The following AMDHD2 variants were observed in gnomAD, a reference collection of about 807,000 sequenced individuals.
AMDHD2 encodes amidohydrolase domain containing 2.
Under a neutral mutation model 41.8 loss-of-function variants are expected in AMDHD2, and 24 were observed. That is an observed-to-expected ratio of 0.57 (90% CI 0.42 to 0.81). The LOEUF (loss-of-function observed/expected upper bound fraction) is 0.81. AMDHD2 is among the 30% of genes least tolerant of loss of function. The pLI is 0.00. For missense variants in AMDHD2, 540 were observed against 588.5 expected, an observed-to-expected ratio of 0.92 and a Z score of 0.85; for synonymous variants, 332 against 255.5, an observed-to-expected ratio of 1.30 and a Z score of -2.85.
At chr16:2,528,209 G>A (rs751584218) in intron 6 of AMDHD2, 27 bp from the exon 7 acceptor site, 5 of 1,611,972 alleles carry the variant, frequency 3.1e-6, no homozygotes, top group Non-Finnish European at 4.2e-6. Flanking sequence ...CTGTCGCTCA[G>A]CCATCCCTTC....
Position 2,529,524 on chromosome 16 carries a change from G to C in AMDHD2, c.1191G>C (p.Ser397=), listed in dbSNP as rs761507143. 3.1e-6 allele frequency: 5 copies of C among 1,611,906 alleles called. No homozygotes were observed. The highest frequency in any genetic ancestry group is 3.4e-6 in the Non-Finnish European group (4 of 1,179,964). The change falls in exon 11 of 11, where the codon TCG becomes TCC. Residue 397 remains serine, a synonymous_variant. Transcript: ENST00000293971. The stretch of plus-strand genomic sequence containing the variant: ...TTCACGTCCAGGCCACCTACATCTC[G>C]GGTGAGCTGGTGTGGCAGGCGGACG... ...DSLHVQATYI[S]GELVWQADAA...
intron 3 of AMDHD2, among the ~76,000 whole-genome samples, chr16:2,522,962 G>A (rs1297075824): frequency 3.3e-5 from 5 of 150,910 alleles, no homozygotes; most frequent in Non-Finnish European, 5.9e-5. Flanking sequence ...TCCTGCCTCA[G>A]TCGCCCGAGT....
rs766056159 is a variant in AMDHD2, at chr16:2,530,486, C to T, written c.*923C>T. On this transcript the variant is annotated 3_prime_UTR_variant, in exon 11 of 11. Coordinates refer to ENST00000293971, the MANE Select transcript of AMDHD2 (RefSeq NM_001330449.2). ...TGAGGACAGCCACAGTGGGGTCAGACGTCAGGGATTGGTGCAGCCCCACGT... is the reference window on the plus strand; with the variant it reads ...TGAGGACAGCCACAGTGGGGTCAGATGTCAGGGATTGGTGCAGCCCCACGT... 1.7e-5 allele frequency: 27 copies of T among 1,614,016 alleles called. No homozygotes were observed. Among genetic ancestry groups the T allele is most frequent in the Admixed American group, 3.3e-5 (2 of 60,008 alleles).
At chr16:2,528,596 C>T (rs2066040410) in intron 8 of AMDHD2, 37 bp downstream of exon 8, 3 of 1,612,670 alleles carry the variant, frequency 1.9e-6, no homozygotes, top group African/African-American at 1.3e-5. Flanking sequence ...AGGTCCCAGC[C>T]CGCATGCCAG....
At chr16:2,522,229 G>A (rs1204117819) in intron 3 of AMDHD2, among the ~76,000 whole-genome samples, 2 of 152,166 alleles carry the variant, frequency 1.3e-5, no homozygotes, top group Non-Finnish European at 2.9e-5. Flanking sequence ...GACTACAGGT[G>A]TGTGCCACCA....
intron 3 of AMDHD2, among the ~76,000 whole-genome samples, chr16:2,522,232 T>G (rs1041427341): frequency 6.6e-6 from 1 of 152,166 alleles, no homozygotes. Context: ...TACAGGTGTG[T>G]GCCACCATGC....
rs1161203174 is a variant in AMDHD2, at chr16:2,530,158, CCT to C, written c.*596_*597del. On this transcript the variant is annotated 3_prime_UTR_variant, in exon 11 of 11. Transcript: ENST00000293971. ...CAGGAGGGAGACTGGGCCCGGGACC[CCT>C]GTTTTCTGCTCCCTGGACTGCCTAG... 2.4e-5 allele frequency: 35 copies of C among 1,438,526 alleles called. No individual in the cohort carries two copies. The highest frequency in any genetic ancestry group is 2.8e-5 in the Non-Finnish European group (30 of 1,090,720). 89.1% of individuals were successfully genotyped at this position (1,438,526 alleles called of 1,614,324 possible).
At chr16:2,523,470 TC>T (rs1238529490) in intron 3 of AMDHD2, among the ~76,000 whole-genome samples, 22 of 152,160 alleles carry the variant, frequency 1.4e-4, no homozygotes, top group Admixed American at 1.4e-3. Flanking sequence ...AGGACAACCT[TC>T]TGCCTTTCTG....
In AMDHD2 at chr16:2,531,110, C is replaced by T. The variant is rs139815200; in HGVS notation, c.*1547C>T. 0.02 allele frequency: 31,409 copies of T among 1,543,656 alleles called. 385 individuals are homozygous for T. The highest frequency in any genetic ancestry group is 0.024 in the Non-Finnish European group (27,578 of 1,134,666). On this transcript the variant is annotated 3_prime_UTR_variant, in exon 11 of 11. Transcript: ENST00000293971. The stretch of plus-strand genomic sequence containing the variant: ...ACCCAGAGCTGGCATGTTGGTCATC[C>T]CCACCTCAGACGGGACGCCCAGTCC...
chr16:2,520,965 TC>T lies in AMDHD2; in HGVS notation c.221-17del, dbSNP rs758209397. ...GGAGCTCTGAGCTCCATGCGACACT[TC>T]CTTTTCTGTGGCTGCAGGTGGATTT... On this transcript the variant is annotated intron_variant, in intron 2 of 10. Transcript: ENST00000293971. 9.1e-5 allele frequency: 146 copies of T among 1,597,272 alleles called. No individual in the cohort carries two copies. Among genetic ancestry groups the T allele is most frequent in the Non-Finnish European group, 1.2e-4 (145 of 1,168,318 alleles).
chr16:2,528,964 G>C (rs1024356644), intron 9 of AMDHD2, 30 bp from the exon 10 acceptor site: 2 of 1,556,084 alleles, frequency 1.3e-6, no homozygotes. Context: ...TGGGCTTGGG[G>C]ACTGTCACCT....
chr16:2,522,360 G>A (rs1417401671), intron 3 of AMDHD2, among the ~76,000 whole-genome samples: 2 of 152,128 alleles, frequency 1.3e-5, no homozygotes, highest in African/African-American at 4.8e-5. Context: ...TGGCACTACG[G>A]GCTTGTGCCA....
Position 2,529,108 on chromosome 16 carries a change from C to G in AMDHD2, c.1141+13C>G. On this transcript the variant is annotated intron_variant, in intron 10 of 10. Coordinates refer to ENST00000293971, the MANE Select transcript of AMDHD2 (RefSeq NM_001330449.2). The stretch of plus-strand genomic sequence containing the variant: ...GGTGCTGACGCAGGTGAGGGCCTGT[C>G]GCAGGGTCACCGGGCAGCCTGGCCC... 1 of 1,541,022 alleles carries G rather than the reference C, an allele frequency of 6.5e-7. No individual in the cohort carries two copies. The highest frequency in any genetic ancestry group is 8.7e-7 in the Non-Finnish European group (1 of 1,143,724).
At position 2,529,104 on chromosome 16, in the gene AMDHD2, C is replaced by G. The variant is rs572149543; in HGVS notation, c.1141+9C>G. ...CTTTGGTGCTGACGCAGGTGAGGGCCTGTCGCAGGGTCACCGGGCAGCCTG... is the reference window on the plus strand; with the variant it reads ...CTTTGGTGCTGACGCAGGTGAGGGCGTGTCGCAGGGTCACCGGGCAGCCTG... On this transcript the variant is annotated intron_variant, in intron 10 of 10. Transcript: ENST00000293971. The G allele has an allele frequency of 6.4e-7, 1 of 1,554,848 alleles. No homozygotes were observed. Among genetic ancestry groups the G allele is most frequent in the Non-Finnish European group, 8.7e-7 (1 of 1,151,238 alleles).
Position 2,529,538 on chromosome 16 carries a change from G to C in AMDHD2, c.1205G>C (p.Trp402Ser). The C allele has an allele frequency of 6.2e-7, 1 of 1,609,876 alleles. No homozygotes were observed. Among genetic ancestry groups the C allele is most frequent in the Non-Finnish European group, 8.5e-7 (1 of 1,179,906 alleles). ...QATYISGELVWQADAARQ is the reference protein window; with the variant it reads ...QATYISGELVSQADAARQ Reference sequence around the variant, plus strand: ...ACCTACATCTCGGGTGAGCTGGTGTGGCAGGCGGACGCAGCTAGGCAGTGA... The same window carrying C: ...ACCTACATCTCGGGTGAGCTGGTGTCGCAGGCGGACGCAGCTAGGCAGTGA... Residue 402 changes from tryptophan (W) to serine (S), a missense_variant, in exon 11 of 11, where the codon TGG (tryptophan) becomes TCG (serine). Coordinates refer to ENST00000293971, the MANE Select transcript of AMDHD2 (RefSeq NM_001330449.2).
intron 3 of AMDHD2, among the ~76,000 whole-genome samples, chr16:2,525,919 T>A (rs2065998450): frequency 6.6e-6 from 1 of 152,158 alleles, no homozygotes; most frequent in South Asian, 2.1e-4. Flanking sequence ...CCTCAGGTGA[T>A]CTGCTCGCCT....
chr16:2,524,268 A>G (rs2141903194), intron 3 of AMDHD2, among the ~76,000 whole-genome samples: 1 of 152,308 alleles, frequency 6.6e-6, no homozygotes. Flanking sequence ...TGGTCCATTA[A>G]GACCACCTTC....
intron 10 of AMDHD2, 111 bp downstream of exon 10, chr16:2,529,206 C>A: frequency 1.7e-6 from 2 of 1,169,248 alleles, no homozygotes; most frequent in Non-Finnish European, 2.3e-6. Flanking sequence ...TAGCTCCCTC[C>A]TCTCAGGTGG....
chr16:2,522,433 T>C (rs777294515), intron 3 of AMDHD2, among the ~76,000 whole-genome samples: 30 of 151,958 alleles, frequency 2.0e-4, no homozygotes, highest in Non-Finnish European at 3.7e-4. Flanking sequence ...CTGTAATCCC[T>C]TTGGGAGGCC....
Sources: gnomAD v4.1 joint callset for allele counts (sites outside exome capture counted in the v4.1 genomes callset) on GRCh38, gnomAD v4.1.1 for gene constraint, MANE v1.5 for transcripts, NCBI Gene and HGNC (gene_info 2026-07-23, HGNC 2026-07-21) for gene names.